The following FAM163B variants were observed in gnomAD, a reference collection of about 807,000 sequenced individuals.
The protein encoded by FAM163B is family with sequence similarity 163 member B, also known as protein FAM163B.
In FAM163B, 4 loss-of-function variants were observed where a neutral mutation model predicts 7.6. That is an observed-to-expected ratio of 0.52 (90% CI 0.26 to 1.20). The LOEUF (loss-of-function observed/expected upper bound fraction) is 1.20. Among genes scored for constraint, FAM163B ranks in the 50% most tolerant of loss-of-function variants. FAM163B has a pLI of 0.14. For missense variants in FAM163B, 250 were observed against 243.0 expected (o/e 1.03, Z -0.19); for synonymous variants, 120 against 111.6 (o/e 1.07, Z -0.47).
At chr9:133,582,279 G>C (rs373007190) in intron 1 of FAM163B, among the ~76,000 whole-genome samples, 1 of 152,174 alleles carries the variant, frequency 6.6e-6, no homozygotes, top group South Asian at 2.1e-4. Context: ...GCCTTTCTAC[G>C]TGGAAACTTG....
chr9:133,582,145 G>A (rs1316979050), intron 1 of FAM163B, among the ~76,000 whole-genome samples: 1 of 152,070 alleles, frequency 6.6e-6, no homozygotes, highest in Non-Finnish European at 1.5e-5. Flanking sequence ...GTGGCTGTGT[G>A]TGTGCCGAGA....
At chr9:133,582,232 G>A (rs932030243) in intron 1 of FAM163B, among the ~76,000 whole-genome samples, 5 of 152,154 alleles carry the variant, frequency 3.3e-5, no homozygotes, top group Admixed American at 6.5e-5. Context: ...CAGGCCCCGC[G>A]TGCCTACTGG....
intron 1 of FAM163B, among the ~76,000 whole-genome samples, chr9:133,589,735 CCCA>C (rs1321840310): frequency 2.6e-5 from 4 of 152,190 alleles, no homozygotes; most frequent in Non-Finnish European, 5.9e-5. Flanking sequence ...CCTCGTGACC[CCCA>C]CCCTCACCTA....
Position 133,600,024 on chromosome 9 carries a change from G to A in FAM163B, c.-24+9053C>T, listed in dbSNP as rs541502057. Among the ~76,000 whole-genome samples the A allele has an allele frequency of 3.4e-5, 5 of 148,348 alleles. No homozygotes were observed. In the East Asian group the frequency reaches 1.0e-3, roughly 30 times the overall value. On this transcript the variant is annotated intron_variant, in intron 1 of 2. Transcript: ENST00000673969. The surrounding 1 kb of genome is among the most constrained non-coding windows in gnomAD (Gnocchi z 4.9). ...GTGTGTGGCCTGTGTGCATTTGTGT[G>A]CATGTATGTGTGGTCTGTGTGGATG...
intron 1 of FAM163B, among the ~76,000 whole-genome samples, chr9:133,591,670 G>A (rs559576612): frequency 6.6e-6 from 1 of 152,338 alleles, no homozygotes; most frequent in South Asian, 2.1e-4. Context: ...AAGTGCCCAG[G>A]GGATGCTGAT....
rs914599620 is a variant in FAM163B at position 133,585,480 on chromosome 9, C to T, written c.-23-5234G>A. Among the ~76,000 whole-genome samples the T allele has an allele frequency of 1.4e-4, 21 of 152,376 alleles. 1 individual carries two copies. Among genetic ancestry groups the T allele is most frequent in the Admixed American group, 1.0e-3 (16 of 15,310 alleles). ...TATTTTGTGCCCCAGCCCCAGCCCC[C>T]GCCACTGCCTTGCATGGTACAGGGC... is the stretch of plus-strand genomic sequence containing the variant. On this transcript the variant is annotated intron_variant, in intron 1 of 2. Coordinates refer to ENST00000673969, the MANE Select transcript of FAM163B (RefSeq NM_001080515.3).
chr9:133,609,136 G>A lies in FAM163B; in HGVS notation c.-83C>T, dbSNP rs1261394344. On this transcript the variant is annotated 5_prime_UTR_variant, in exon 1 of 3. Transcript: ENST00000673969. ...AGGACTTGGGCGCACGTGACGGGGC[G>A]GGCGGGCGTCCGACCCGGGCAGGGC... is the stretch of plus-strand genomic sequence containing the variant. Among the ~76,000 whole-genome samples, 1 of 152,042 alleles carries A rather than the reference G, an allele frequency of 6.6e-6. No individual in the cohort carries two copies. The highest frequency in any genetic ancestry group is 1.5e-5 in the Non-Finnish European group (1 of 67,990).
intron 1 of FAM163B, among the ~76,000 whole-genome samples, chr9:133,582,656 G>A (rs1831373392): frequency 2.6e-5 from 4 of 152,228 alleles, no homozygotes; most frequent in African/African-American, 9.6e-5. Context: ...AGAGGCTGGT[G>A]GCCACTTCTG....
intron 1 of FAM163B, among the ~76,000 whole-genome samples, chr9:133,581,846 T>A (rs3893344): frequency 3.3e-5 from 5 of 151,996 alleles, no homozygotes; most frequent in African/African-American, 1.2e-4. Flanking sequence ...CTGCAGCTGC[T>A]CTCGGCCAGT....
At chr9:133,594,659 T>G (rs1216796220) in intron 1 of FAM163B, among the ~76,000 whole-genome samples, 1 of 152,164 alleles carries the variant, frequency 6.6e-6, no homozygotes, top group Non-Finnish European at 1.5e-5. Context: ...TTTGGGTCCC[T>G]GCTTTTGTGG....
chr9:133,585,069 T>A (rs1182655686), intron 1 of FAM163B, among the ~76,000 whole-genome samples: 1 of 152,190 alleles, frequency 6.6e-6, no homozygotes, highest in Non-Finnish European at 1.5e-5. Context: ...CCCACCCCAG[T>A]CCACAGAGTC....
Position 133,577,918 on chromosome 9 carries a change from A to G in FAM163B, c.*1104T>C, listed in dbSNP as rs1048344099. Among the ~76,000 whole-genome samples, 17 of 152,266 alleles carry G rather than the reference A, an allele frequency of 1.1e-4. No homozygotes were observed. Among genetic ancestry groups the G allele is most frequent in the African/African-American group, 3.6e-4 (15 of 41,556 alleles). On this transcript the variant is annotated 3_prime_UTR_variant, in exon 3 of 3. Coordinates refer to ENST00000673969, the MANE Select transcript of FAM163B (RefSeq NM_001080515.3). ...TCAGATGAGGTCTTCAGATGGCAGCAGTAGGCTCTGGCTGCTTGGGGTCCA... is the reference window on the plus strand; with the variant it reads ...TCAGATGAGGTCTTCAGATGGCAGCGGTAGGCTCTGGCTGCTTGGGGTCCA...
Position 133,606,512 on chromosome 9 carries a change from CT to C in FAM163B, c.-24+2564del, listed in dbSNP as rs1279264875. On this transcript the variant is annotated intron_variant, in intron 1 of 2. Coordinates refer to ENST00000673969, the MANE Select transcript of FAM163B (RefSeq NM_001080515.3). This position sits in a 1 kb window ranked among gnomAD's most constrained non-coding sequence, Gnocchi z 4.0. Reference sequence around the variant, plus strand: ...CCACATGCTCTTGGCATCCAAAAGCCTTTTGGCCAGGCTCACGGTTGCCCCG... The same window carrying C: ...CCACATGCTCTTGGCATCCAAAAGCCTTTGGCCAGGCTCACGGTTGCCCCG... 4.6e-5 allele frequency among the ~76,000 whole-genome samples: 7 copies of C among 152,188 alleles called. No homozygotes were observed. The highest frequency in any genetic ancestry group is 1.5e-5 in the Non-Finnish European group (1 of 68,016).
At chr9:133,590,924 A>C (rs964077806) in intron 1 of FAM163B, among the ~76,000 whole-genome samples, 1 of 152,252 alleles carries the variant, frequency 6.6e-6, no homozygotes, top group Non-Finnish European at 1.5e-5. Flanking sequence ...CCCTTTGTGA[A>C]GGAAGCTTCT....
chr9:133,604,867 A>T (rs186870327), intron 1 of FAM163B, among the ~76,000 whole-genome samples: 16 of 152,338 alleles, frequency 1.1e-4, no homozygotes, highest in Middle Eastern at 3.4e-3. Flanking sequence ...AATTAGGATG[A>T]TTTCAAAAGA....
intron 1 of FAM163B, among the ~76,000 whole-genome samples, chr9:133,595,046 T>TAGCA (rs1831610399): frequency 6.6e-6 from 1 of 152,204 alleles, no homozygotes; most frequent in African/African-American, 2.4e-5. Context: ...AGCTTGGTGC[T>TAGCA]GCTCCTTCCT....
intron 1 of FAM163B, among the ~76,000 whole-genome samples, chr9:133,591,859 G>A (rs901643380): frequency 3.3e-5 from 5 of 152,104 alleles, no homozygotes; most frequent in Non-Finnish European, 5.9e-5. Context: ...GACGGGGACC[G>A]CTCTGGGGAT....
chr9:133,602,873 G>A lies in FAM163B; in HGVS notation c.-24+6204C>T, dbSNP rs550995753. On this transcript the variant is annotated intron_variant, in intron 1 of 2. Coordinates refer to ENST00000673969, the MANE Select transcript of FAM163B (RefSeq NM_001080515.3). Reference sequence around the variant, plus strand: ...TTCTGCCTTCCTTTGAACCAGAATCGAATCATTATATCCCAGAATCAGCCC... The same window carrying A: ...TTCTGCCTTCCTTTGAACCAGAATCAAATCATTATATCCCAGAATCAGCCC... Among the ~76,000 whole-genome samples the A allele has an allele frequency of 3.3e-5, 5 of 152,264 alleles. No homozygotes were observed. The South Asian group carries it at 6.2e-4, about 19-fold the overall frequency.
chr9:133,604,901 C>G (rs999427208), intron 1 of FAM163B, among the ~76,000 whole-genome samples: 3 of 152,224 alleles, frequency 2.0e-5, no homozygotes, highest in Admixed American at 2.0e-4. Context: ...TCCAGAGACC[C>G]GGGACCTGCC....
Sources: allele counts gnomAD v4.1 joint callset (sites outside exome capture counted in the v4.1 genomes callset), GRCh38; gene constraint gnomAD v4.1.1; non-coding constraint Gnocchi (gnomAD v3.1); transcripts MANE v1.5; gene names NCBI Gene and HGNC (gene_info 2026-07-23, HGNC 2026-07-21).